Variants in PITRM1 observed in about 807,000 individuals in gnomAD.
PITRM1 encodes the protein pitrilysin metallopeptidase 1.
PITRM1 carries 100 observed loss-of-function variants against 129.9 expected under a neutral mutation model. The observed-to-expected ratio is 0.77, with a 90% CI of 0.65 to 0.91. PITRM1 has a LOEUF of 0.91. Ranked by LOEUF, PITRM1 falls within the 40% of genes least tolerant of loss-of-function variation. The pLI, the probability that PITRM1 is intolerant of heterozygous loss-of-function variation, is 0.00. For missense variants in PITRM1, 1,471 were observed against 1,318.3 expected, an observed-to-expected ratio of 1.12 and a Z score of -1.79; for synonymous variants, 591 against 508.8, an observed-to-expected ratio of 1.16 and a Z score of -2.17.
intron 2 of PITRM1, among the ~76,000 whole-genome samples, chr10:3,168,407 G>A (rs1313109912): frequency 6.6e-6 from 1 of 152,136 alleles, no homozygotes; most frequent in East Asian, 1.9e-4. Flanking sequence ...CAAGAATCAT[G>A]ACTTATCGTA....
At chr10:3,163,249 A>G (rs1278301981) in intron 7 of PITRM1, 1 of 152,306 alleles carries the variant, frequency 6.6e-6, no homozygotes, top group African/African-American at 2.4e-5. Context: ...ATATATGACT[A>G]TATTATTATT....
chr10:3,141,715 C>T (rs748697442), intron 23 of PITRM1: 40 of 466,238 alleles, frequency 8.6e-5, no homozygotes, highest in East Asian at 4.9e-4. Context: ...CCCAGGTCGC[C>T]GCTTCCACAG....
At chr10:3,144,404 A>G (rs1260075808) in intron 21 of PITRM1, 38 bp from the exon 22 acceptor site, 85 of 1,260,942 alleles carry the variant, frequency 6.7e-5, no homozygotes, top group Non-Finnish European at 9.2e-5. Context: ...AGAAAAATCC[A>G]GAACTCACTT....
At chr10:3,170,755 G>C (rs544317475) in intron 1 of PITRM1, among the ~76,000 whole-genome samples, 10 of 152,098 alleles carry the variant, frequency 6.6e-5, no homozygotes, top group African/African-American at 1.2e-4. Context: ...CAGCACTTTG[G>C]GAGGCCTGGG....
At chr10:3,154,057 G>A (rs1007362087) in intron 14 of PITRM1, among the ~76,000 whole-genome samples, 3 of 152,118 alleles carry the variant, frequency 2.0e-5, no homozygotes, top group Non-Finnish European at 4.4e-5. Flanking sequence ...CACCCCGACT[G>A]GGCCTCCAGC....
rs532380159 is a variant in PITRM1 at position 3,147,315 on chromosome 10, A to G, written c.2236-65T>C. ...ACAACAGACCCGCTGAGTCTGAACC[A>G]AGCACCTGTGACATCAGAACCCTGC... is the stretch of plus-strand genomic sequence containing the variant. On this transcript the variant is annotated intron_variant, in intron 19 of 26. Transcript: ENST00000224949. 8 of 1,223,492 alleles carry G rather than the reference A, an allele frequency of 6.5e-6. No individual in the cohort carries two copies. In the East Asian group the frequency reaches 1.9e-4, roughly 28 times the overall value. The allele number at this position is 1,223,492 out of a possible 1,614,324, so 75.8% of individuals were successfully genotyped here. A position where few individuals can be genotyped will look rare whatever the true frequency, so the allele number is the denominator to read the frequency against.
chr10:3,158,293 C>G, intron 10 of PITRM1, 140 bp from the exon 11 acceptor site: 1 of 629,804 alleles, frequency 1.6e-6, no homozygotes. Context: ...GCAGTGTTCT[C>G]AAGTAACTGG....
At chr10:3,168,468 G>T (rs1485347724) in intron 2 of PITRM1, among the ~76,000 whole-genome samples, 1 of 147,140 alleles carries the variant, frequency 6.8e-6, no homozygotes, top group Non-Finnish European at 1.5e-5. Flanking sequence ...CAGCACTTTG[G>T]AAGGCCAAGG....
intron 16 of PITRM1, chr10:3,148,510 T>G: frequency 1.9e-6 from 1 of 527,962 alleles, no homozygotes; most frequent in Non-Finnish European, 3.3e-6. Context: ...TTCTCCCGCC[T>G]AGGAAGTTAG....
At chr10:3,167,161 G>A in intron 2 of PITRM1, 119 bp from the exon 3 acceptor site, 1 of 624,510 alleles carries the variant, frequency 1.6e-6, no homozygotes, top group Non-Finnish European at 2.8e-6. Context: ...TGCCGGGAAG[G>A]CAGTATTTCA....
chr10:3,147,670 C>A lies in PITRM1; in HGVS notation c.2137G>T (p.Gly713Ter). ...TACAGGTGCCCAGAGTCAGGAATTC[C>A]ATTGGCGAGCTCCTGGGCGGTCATC... ...VKMTAQELAN[G>*]IPDSGHLYAS... Residue 713 changes from glycine (G) to a stop codon, truncating the protein, a stop_gained, in exon 19 of 27, where the codon GGA (glycine) becomes TGA (stop). Coordinates refer to ENST00000224949, the MANE Select transcript of PITRM1 (RefSeq NM_014889.4). LOFTEE classifies it high-confidence loss of function. The A allele has an allele frequency of 6.2e-7, 1 of 1,613,738 alleles. No individual in the cohort carries two copies. Among genetic ancestry groups the A allele is most frequent in the Non-Finnish European group, 8.5e-7 (1 of 1,179,740 alleles).
chr10:3,172,603 TG>T, intron 1 of PITRM1, 113 bp downstream of exon 1: 1 of 979,118 alleles, frequency 1.0e-6, no homozygotes, highest in Non-Finnish European at 1.4e-6. Context: ...GCCCACAGCT[TG>T]GGGAGCTGCC....
At chr10:3,164,748 TATAA>T (rs1275126539) in intron 6 of PITRM1, among the ~76,000 whole-genome samples, 3 of 152,238 alleles carry the variant, frequency 2.0e-5, no homozygotes, top group African/African-American at 4.8e-5. Flanking sequence ...TACATGTTGA[TATAA>T]ATATTTTTGA....
chr10:3,144,334 G>T lies in PITRM1; in HGVS notation c.2490C>A (p.Ala830=). 1 of 1,562,730 alleles carries T rather than the reference G, an allele frequency of 6.4e-7. No individual in the cohort carries two copies. The highest frequency in any genetic ancestry group is 8.7e-7 in the Non-Finnish European group (1 of 1,152,272). Reference sequence around the variant, plus strand: ...TGACCTGGGAGCCATGGGGAACGTGGGCATCTCCACCAGAGCTGCTGGGCA... The same window carrying T: ...TGACCTGGGAGCCATGGGGAACGTGTGCATCTCCACCAGAGCTGCTGGGCA... The part of the protein sequence containing the change: ...KPVPSSSGGD[A]HVPHGSQVIR... Residue 830 remains alanine, a synonymous_variant, in exon 22 of 27, where the codon GCC becomes GCA. Transcript: ENST00000224949.
chr10:3,147,781 C>T, intron 18 of PITRM1, 44 bp from the exon 19 acceptor site: 1 of 1,507,304 alleles, frequency 6.6e-7, no homozygotes, highest in Non-Finnish European at 8.9e-7. Context: ...ACCCATTCCT[C>T]ACGTCCCTTC....
intron 7 of PITRM1, among the ~76,000 whole-genome samples, chr10:3,161,240 A>C (rs1319842914): frequency 6.6e-6 from 1 of 152,232 alleles, no homozygotes; most frequent in Non-Finnish European, 1.5e-5. Flanking sequence ...GACAAAAACC[A>C]AATGAGGTAT....
chr10:3,145,640 G>A lies in PITRM1; in HGVS notation c.2413C>T (p.Arg805Trp), dbSNP rs1055454754. 33 of 1,550,148 alleles carry A rather than the reference G, an allele frequency of 2.1e-5. No individual in the cohort carries two copies. The highest frequency in any genetic ancestry group is 5.9e-5 in the Admixed American group (3 of 51,024). Residue 805 changes from arginine (R) to tryptophan (W), a missense_variant, in exon 21 of 27, where the codon CGG becomes TGG. Transcript: ENST00000224949. The stretch of plus-strand genomic sequence containing the variant: ...ACAGGCCTCCGTTCCTTTTTACTCC[G>A]ACCGATGCTTCTAAGGAAGTCTTCG... ...AVEDFLRSIG[R>W]SKKERRPVRP...
At chr10:3,164,027 A>T in intron 6 of PITRM1, 142 bp from the exon 7 acceptor site, 1 of 415,208 alleles carries the variant, frequency 2.4e-6, no homozygotes, top group East Asian at 4.3e-5. Context: ...ATGGTTTAAA[A>T]AAAAAAAAAA....
chr10:3,160,630 T>C (rs1201194265), intron 7 of PITRM1, among the ~76,000 whole-genome samples: 2 of 152,236 alleles, frequency 1.3e-5, no homozygotes, highest in African/African-American at 4.8e-5. Flanking sequence ...CATGGTGCTA[T>C]TCCTGGCTTC....
Sources: allele counts gnomAD v4.1 joint callset (sites outside exome capture counted in the v4.1 genomes callset), GRCh38; gene constraint gnomAD v4.1.1; transcripts MANE v1.5; gene names NCBI Gene and HGNC (gene_info 2026-07-23, HGNC 2026-07-21).